TYR: variants seen among roughly 807,000 people sequenced by gnomAD.
TYR encodes tyrosinase, also known as LB24-AB.
TYR carries 58 observed loss-of-function variants against 51.5 expected under a neutral mutation model. The ratio of observed to expected loss-of-function variants is 1.13; its 90% confidence interval spans 0.91 to 1.40. The LOEUF is 1.40. Among genes scored for constraint, TYR ranks in the 40% most tolerant of loss-of-function variants. TYR has a pLI of 0.00. For synonymous variants in TYR, 263 were observed against 235.2 expected, an observed-to-expected ratio of 1.12 and a Z score of -1.08; for missense variants, 732 against 647.4, an observed-to-expected ratio of 1.13 and a Z score of -1.42.
rs141568628 is a variant in TYR, at chr11:89,184,468, C to T, written c.819+5696C>T. On this transcript the variant is annotated intron_variant, in intron 1 of 4. Transcript: ENST00000263321. ...TTCAACCATTCCTAAGCCATTAACA[C>T]GTCATAATTAATGTAGTGGGTATTG... Among the ~76,000 whole-genome samples, 1,336 of 152,154 alleles carry T rather than the reference C, an allele frequency of 8.8e-3. 19 individuals carry two copies. Among genetic ancestry groups the T allele is most frequent in the African/African-American group, 0.031 (1,277 of 41,484 alleles).
intron 3 of TYR, among the ~76,000 whole-genome samples, chr11:89,249,958 T>C (rs1440711181): frequency 2.6e-5 from 4 of 151,938 alleles, no homozygotes; most frequent in Admixed American, 2.6e-4. Flanking sequence ...TATAGATGCA[T>C]GTATTGTTCT....
chr11:89,277,079 C>T (rs1944663216), intron 3 of TYR, among the ~76,000 whole-genome samples: 1 of 151,748 alleles, frequency 6.6e-6, no homozygotes, highest in Non-Finnish European at 1.5e-5. Flanking sequence ...CTCATAAATA[C>T]ATTAAAATAG....
chr11:89,226,292 C>T (rs191253855), intron 2 of TYR, among the ~76,000 whole-genome samples: 1 of 152,262 alleles, frequency 6.6e-6, no homozygotes, highest in Non-Finnish European at 1.5e-5. Context: ...TAGACAAGTT[C>T]TTTGTCCCCT....
intron 3 of TYR, among the ~76,000 whole-genome samples, chr11:89,259,351 T>A (rs1168916754): frequency 1.3e-5 from 2 of 152,114 alleles, no homozygotes; most frequent in African/African-American, 4.8e-5. Flanking sequence ...TTTGGCCTTA[T>A]TCTTTTTAGT....
At chr11:89,190,677 G>A (rs534524821) in intron 1 of TYR, among the ~76,000 whole-genome samples, 7 of 152,086 alleles carry the variant, frequency 4.6e-5, no homozygotes, top group South Asian at 2.1e-4. Context: ...CTGTAGTGTA[G>A]AGTAGTATCT....
chr11:89,278,637 G>A (rs1348287536), intron 3 of TYR, among the ~76,000 whole-genome samples: 3 of 151,470 alleles, frequency 2.0e-5, no homozygotes, highest in African/African-American at 7.3e-5. Context: ...AAAATGTTGT[G>A]AAGATAGAAC....
At chr11:89,191,923 T>C in intron 2 of TYR, 1 of 365,528 alleles carries the variant, frequency 2.7e-6, no homozygotes, top group Non-Finnish European at 5.3e-6. Context: ...CCAGAACATT[T>C]TGTATTGTGG....
intron 2 of TYR, among the ~76,000 whole-genome samples, chr11:89,207,585 A>T (rs1457821625): frequency 6.6e-6 from 1 of 152,206 alleles, no homozygotes; most frequent in Non-Finnish European, 1.5e-5. Flanking sequence ...AGAATGTAGA[A>T]GGGAACATTT....
chr11:89,288,405 C>T (rs182088281), intron 4 of TYR, among the ~76,000 whole-genome samples: 10 of 152,042 alleles, frequency 6.6e-5, no homozygotes, highest in Admixed American at 2.6e-4. Flanking sequence ...TTGTCTTCTA[C>T]GCATATGCTC....
rs989878614 is a variant in TYR at position 89,232,011 on chromosome 11, G to C, written c.1184+4041G>C. Among the ~76,000 whole-genome samples, 8 of 138,668 alleles carry C rather than the reference G, an allele frequency of 5.8e-5. 3 individuals are homozygous for C. The highest frequency in any genetic ancestry group is 2.3e-4 in the African/African-American group (8 of 34,410). 91.0% of individuals were successfully genotyped at this position (138,668 alleles called of 152,430 possible). On this transcript the variant is annotated intron_variant, in intron 3 of 4. Coordinates refer to ENST00000263321, the MANE Select transcript of TYR (RefSeq NM_000372.5). ...AAAAAAAAAAAAAAAAGTAAATTAA[G>C]AGATCTGTTGTACAGCGTGATGACT... is the stretch of plus-strand genomic sequence containing the variant.
At chr11:89,239,766 T>C (rs1036126127) in intron 3 of TYR, among the ~76,000 whole-genome samples, 2 of 152,280 alleles carry the variant, frequency 1.3e-5, no homozygotes, top group East Asian at 1.9e-4. Flanking sequence ...CTAAAGGTTT[T>C]AAATTTCCTT....
chr11:89,196,029 A>G (rs1432298015), intron 2 of TYR, among the ~76,000 whole-genome samples: 2 of 152,196 alleles, frequency 1.3e-5, no homozygotes, highest in Non-Finnish European at 2.9e-5. Context: ...GACCTTGGGT[A>G]TGTTATTTAA....
At chr11:89,270,022 C>T (rs182711777) in intron 3 of TYR, among the ~76,000 whole-genome samples, 9 of 152,028 alleles carry the variant, frequency 5.9e-5, no homozygotes, top group South Asian at 2.1e-4. Flanking sequence ...TAACTAGGCA[C>T]GATTATGTCA....
intron 3 of TYR, among the ~76,000 whole-genome samples, chr11:89,274,873 G>T (rs1178002895): frequency 6.6e-6 from 1 of 151,680 alleles, no homozygotes; most frequent in Non-Finnish European, 1.5e-5. Flanking sequence ...TTCACTGCCT[G>T]TTGTCAATGT....
At chr11:89,284,126 C>T (rs1278494816) in intron 3 of TYR, among the ~76,000 whole-genome samples, 1 of 151,700 alleles carries the variant, frequency 6.6e-6, no homozygotes. Flanking sequence ...TCTGATTGTC[C>T]CTGCTTATTT....
At chr11:89,251,544 A>G (rs549750994) in intron 3 of TYR, among the ~76,000 whole-genome samples, 3 of 152,076 alleles carry the variant, frequency 2.0e-5, no homozygotes, top group African/African-American at 7.2e-5. Flanking sequence ...ATATTACTAA[A>G]TTCAAAAAGT....
At chr11:89,247,850 G>T (rs1181955860) in intron 3 of TYR, among the ~76,000 whole-genome samples, 2 of 152,274 alleles carry the variant, frequency 1.3e-5, no homozygotes, top group East Asian at 3.9e-4. Flanking sequence ...CTGTAGGATA[G>T]ATCTTTACCA....
At chr11:89,281,864 C>T (rs1394365509) in intron 3 of TYR, among the ~76,000 whole-genome samples, 1 of 151,682 alleles carries the variant, frequency 6.6e-6, no homozygotes. Flanking sequence ...GTGAATTTCA[C>T]TGTCACTCAG....
chr11:89,245,708 G>A (rs1944257212), intron 3 of TYR, among the ~76,000 whole-genome samples: 2 of 152,122 alleles, frequency 1.3e-5, no homozygotes, highest in Admixed American at 1.3e-4. Flanking sequence ...GGATTATGAG[G>A]TCAGGAGATC....
Sources: gnomAD v4.1 joint callset for allele counts (sites outside exome capture counted in the v4.1 genomes callset) on GRCh38, gnomAD v4.1.1 for gene constraint, MANE v1.5 for transcripts, NCBI Gene and HGNC (gene_info 2026-07-23, HGNC 2026-07-21) for gene names.